Variants in NRXN3 observed in about 807,000 individuals in gnomAD.
The protein encoded by NRXN3 is neurexin III.
A neutral mutation model predicts 137.6 loss-of-function variants in NRXN3; 32 were observed. The ratio of observed to expected loss-of-function variants is 0.23; its 90% CI spans 0.18 to 0.31. The LOEUF is 0.31. NRXN3 is among the 10% of genes least tolerant of loss of function. The pLI is 1.00. For synonymous variants in NRXN3, 798 were observed against 784.5 expected, an observed-to-expected ratio of 1.02 and a Z score of -0.29; for missense variants, 1,574 against 2,062.5, an observed-to-expected ratio of 0.76 and a Z score of 4.59.
intron 16 of NRXN3, among the ~76,000 whole-genome samples, chr14:79,573,390 G>A (rs1364884264): frequency 6.6e-6 from 1 of 152,104 alleles, no homozygotes; most frequent in African/African-American, 2.4e-5. Flanking sequence ...TTCTAAGGTG[G>A]GCAGCTGCCT....
chr14:79,711,118 C>A (rs1049244185), intron 19 of NRXN3, among the ~76,000 whole-genome samples: 3 of 152,084 alleles, frequency 2.0e-5, no homozygotes, highest in East Asian at 1.9e-4. Context: ...AGACAGAAAC[C>A]GTAAAGCAAG....
chr14:78,954,151 T>C (rs1382187865), intron 10 of NRXN3, among the ~76,000 whole-genome samples: 1 of 152,164 alleles, frequency 6.6e-6, no homozygotes, highest in Non-Finnish European at 1.5e-5. Flanking sequence ...GGGCTACTTA[T>C]TAGGTTTGTT....
chr14:78,361,583 C>T (rs567796958), intron 4 of NRXN3, among the ~76,000 whole-genome samples: 1 of 152,140 alleles, frequency 6.6e-6, no homozygotes, highest in Non-Finnish European at 1.5e-5. Flanking sequence ...GCCCCTTCTG[C>T]CTGTGGGAAC....
chr14:79,770,871 C>A (rs1425806425), intron 19 of NRXN3, among the ~76,000 whole-genome samples: 1 of 151,900 alleles, frequency 6.6e-6, no homozygotes, highest in Non-Finnish European at 1.5e-5. Flanking sequence ...AATTGATAGA[C>A]CACTAGCAAG....
chr14:79,632,818 G>T (rs2153941348), intron 16 of NRXN3, among the ~76,000 whole-genome samples: 1 of 152,218 alleles, frequency 6.6e-6, no homozygotes, highest in South Asian at 2.1e-4. Flanking sequence ...AACACAGCTA[G>T]TAAGTTGCAC....
intron 16 of NRXN3, among the ~76,000 whole-genome samples, chr14:79,565,319 G>T (rs939504217): frequency 7.0e-5 from 10 of 143,044 alleles, no homozygotes; most frequent in African/African-American, 2.6e-4. Flanking sequence ...ACACACACAT[G>T]TGTGTGTATA....
Position 79,647,186 on chromosome 14 carries a change from T to A in NRXN3, c.3445-16592T>A. ...AGTGGCAATTTTGTTTTTCTGGCTC[T>A]TATATTGCAATGAATATTTTTTATT... is the stretch of plus-strand genomic sequence containing the variant. On this transcript the variant is annotated intron_variant, in intron 16 of 20. Coordinates refer to ENST00000335750, the MANE Select transcript of NRXN3 (RefSeq NM_001330195.2). 1.5e-5 allele frequency among the ~76,000 whole-genome samples: 2 copies of A among 136,190 alleles called. 1 individual carries two copies. Among genetic ancestry groups the A allele is most frequent in the Non-Finnish European group, 3.4e-5 (2 of 58,536 alleles). 89.3% of individuals were successfully genotyped at this position (136,190 alleles called of 152,430 possible).
intron 15 of NRXN3, among the ~76,000 whole-genome samples, chr14:79,379,317 G>A (rs1214909496): frequency 6.6e-6 from 1 of 152,106 alleles, no homozygotes; most frequent in Non-Finnish European, 1.5e-5. Context: ...GACAAATGGT[G>A]GGATGAGTCT....
chr14:79,179,402 G>A (rs1355812021), intron 15 of NRXN3, among the ~76,000 whole-genome samples: 2 of 152,076 alleles, frequency 1.3e-5, no homozygotes, highest in Non-Finnish European at 1.5e-5. Flanking sequence ...AATCTACTTG[G>A]AAAGATATTA....
At chr14:79,244,706 A>G (rs1031515750) in intron 15 of NRXN3, among the ~76,000 whole-genome samples, 1 of 152,162 alleles carries the variant, frequency 6.6e-6, no homozygotes, top group Non-Finnish European at 1.5e-5. Flanking sequence ...CCTTCCTGCA[A>G]ACCCATTCTT....
intron 8 of NRXN3, among the ~76,000 whole-genome samples, chr14:78,803,057 T>TATCA (rs1308163855): frequency 6.6e-6 from 1 of 152,244 alleles, no homozygotes; most frequent in African/African-American, 2.4e-5. Context: ...ACTCTGCCTC[T>TATCA]ATCAGATATT....
At chr14:78,709,794 A>G in intron 7 of NRXN3, 139 bp downstream of exon 7, 1 of 737,840 alleles carries the variant, frequency 1.4e-6, no homozygotes, top group Non-Finnish European at 2.2e-6. Flanking sequence ...GCTGTTGTAA[A>G]ATTATGTTTC....
At chr14:78,461,595 G>C (rs568405935) in intron 4 of NRXN3, among the ~76,000 whole-genome samples, 1 of 152,280 alleles carries the variant, frequency 6.6e-6, no homozygotes, top group African/African-American at 2.4e-5. Flanking sequence ...ACCATTTTTA[G>C]TGTCTGTCCA....
intron 15 of NRXN3, among the ~76,000 whole-genome samples, chr14:79,208,698 A>C (rs1352000459): frequency 1.3e-5 from 2 of 152,150 alleles, no homozygotes; most frequent in Admixed American, 1.3e-4. Flanking sequence ...ATTTTATTGG[A>C]TATAACAGTT....
chr14:78,212,115 C>T (rs1421255084), intron 1 of NRXN3, among the ~76,000 whole-genome samples: 6 of 152,172 alleles, frequency 3.9e-5, no homozygotes, highest in African/African-American at 1.4e-4. Context: ...TCAGTGGAGA[C>T]ACTTCTAGTA....
chr14:78,766,006 G>A (rs78185354), intron 8 of NRXN3, among the ~76,000 whole-genome samples: 3 of 152,172 alleles, frequency 2.0e-5, no homozygotes, highest in African/African-American at 7.2e-5. Flanking sequence ...GAAGGAGATG[G>A]TGTTTATGCA....
intron 15 of NRXN3, among the ~76,000 whole-genome samples, chr14:78,991,431 T>C (rs901783490): frequency 2.6e-5 from 4 of 152,184 alleles, no homozygotes; most frequent in African/African-American, 4.8e-5. Context: ...CATAGGACCA[T>C]GCAAATAGGT....
In NRXN3 at chr14:78,253,799, G is replaced by GC. The variant is rs1330215051; in HGVS notation, c.709+10004dup. ...TATAAAATGAGCCTCCCCGTGCCCCGCCCCCCCGCCCAAAGAAAACCTGCT... is the reference window on the plus strand; with the variant it reads ...TATAAAATGAGCCTCCCCGTGCCCCGCCCCCCCCGCCCAAAGAAAACCTGCT... On this transcript the variant is annotated intron_variant, in intron 2 of 20. Transcript: ENST00000335750. 5.0e-3 allele frequency among the ~76,000 whole-genome samples: 327 copies of GC among 66,002 alleles called. 1 individual carries two copies. Among genetic ancestry groups the GC allele is most frequent in the East Asian group, 0.015 (33 of 2,266 alleles). The allele number at this position is 66,002 out of a possible 152,430, so 43.3% of individuals were successfully genotyped here.
At chr14:78,287,972 T>C (rs148502008) in intron 3 of NRXN3, among the ~76,000 whole-genome samples, 26 of 152,108 alleles carry the variant, frequency 1.7e-4, no homozygotes, top group African/African-American at 6.3e-4. Flanking sequence ...TATAGAGTGG[T>C]CTCAGGACTC....
Sources: allele counts gnomAD v4.1 joint callset (sites outside exome capture counted in the v4.1 genomes callset), GRCh38; gene constraint gnomAD v4.1.1; transcripts MANE v1.5; gene names NCBI Gene and HGNC (gene_info 2026-07-23, HGNC 2026-07-21).